Variants in USP9X observed in about 807,000 individuals in gnomAD.
USP9X encodes ubiquitin carboxyl-terminal hydrolase 9X.
In USP9X, 7 loss-of-function variants were observed where a neutral mutation model predicts 190.3. The ratio of observed to expected loss-of-function variants is 0.04; its 90% CI spans 0.02 to 0.07. USP9X has a LOEUF of 0.07. USP9X is among the 10% of genes least tolerant of loss of function. USP9X has a pLI of 1.00. For missense variants in USP9X, 1,010 were observed against 1,916.9 expected (o/e 0.53, Z 8.83); for synonymous variants, 645 against 659.5 (o/e 0.98, Z 0.34).
chrX:41,139,284 T>C (rs999856225), intron 6 of USP9X, among the ~76,000 whole-genome samples: 2 of 109,872 alleles, frequency 1.8e-5, no homozygotes, highest in Non-Finnish European at 3.8e-5. Context: ...ACTAAAAAGG[T>C]AGGAAAACAC....
chrX:41,172,534 T>A (rs1462801446), intron 21 of USP9X, among the ~76,000 whole-genome samples: 1 of 112,216 alleles, frequency 8.9e-6, no homozygotes, highest in Non-Finnish European at 1.9e-5. Flanking sequence ...AGATATATAC[T>A]GATTTTCTGC....
chrX:41,171,550 G>A (rs2062725729), intron 20 of USP9X: 1 of 281,716 alleles, frequency 3.5e-6, no homozygotes, highest in Non-Finnish European at 6.5e-6. Context: ...AGTGGGCATG[G>A]CAGCCTTTTG....
At chrX:41,214,764 A>AAT (rs1228779245) in intron 34 of USP9X, 55 bp downstream of exon 34, 17 of 1,136,040 alleles carry the variant, frequency 1.5e-5, no homozygotes, top group Non-Finnish European at 1.7e-5. Flanking sequence ...ATTTAGAAGA[A>AAT]ATTGGTTTTT....
intron 1 of USP9X, among the ~76,000 whole-genome samples, chrX:41,089,770 G>T (rs2061939891): frequency 9.1e-6 from 1 of 110,473 alleles, no homozygotes; most frequent in East Asian, 2.8e-4. Context: ...TTGTTTTATG[G>T]AACGAATGAA....
intron 38 of USP9X, among the ~76,000 whole-genome samples, chrX:41,222,171 CTGAA>C (rs1451496427): frequency 8.9e-6 from 1 of 111,988 alleles, no homozygotes; most frequent in East Asian, 2.8e-4. Context: ...TTTGAATCAT[CTGAA>C]TGAAGATATC....
intron 21 of USP9X, among the ~76,000 whole-genome samples, chrX:41,177,019 A>G (rs1335356003): frequency 8.9e-6 from 1 of 112,469 alleles, no homozygotes; most frequent in Non-Finnish European, 1.9e-5. Flanking sequence ...TTCAGTAATT[A>G]ACAGTTTGCC....
rs911417323 is a variant in USP9X at position 41,196,451 on chromosome X, G to A, written c.4086+92G>A. On this transcript the variant is annotated intron_variant, in intron 27 of 44. Transcript: ENST00000378308. ...GTGGTTTTAGCTTGCATTAAAGTTA[G>A]GACAGTCTATATTTAATAAATGAAG... The A allele has an allele frequency of 2.4e-5, 26 of 1,083,805 alleles. No individual in the cohort carries two copies. The African/African-American group carries it at 4.5e-4, about 19-fold the overall frequency. The allele number at this position is 1,083,805 out of a possible 1,213,427, so 89.3% of individuals were successfully genotyped here.
intron 21 of USP9X, among the ~76,000 whole-genome samples, chrX:41,174,852 G>A (rs1168427294): frequency 9.0e-6 from 1 of 111,225 alleles, no homozygotes; most frequent in African/African-American, 3.3e-5. Context: ...AAAATTAGCC[G>A]GGCGTGTTAG....
chrX:41,216,194 G>A lies in USP9X; in HGVS notation c.5627G>A (p.Ser1876Asn). ...VGVLVHSGQA[S>N]GGHYYSYIIQ... Reference sequence around the variant, plus strand: ...GTGCTCGTACACAGTGGTCAAGCGAGTGGGGGGCATTATTATTCTTACATC... The same window carrying A: ...GTGCTCGTACACAGTGGTCAAGCGAATGGGGGGCATTATTATTCTTACATC... Residue 1876 changes from serine to asparagine, a missense_variant, in exon 35 of 45, where the codon AGT becomes AAT. Physicochemically the swap from Ser to Asn is conservative, Grantham distance 46. Transcript: ENST00000378308. 8.3e-7 allele frequency: 1 copy of A among 1,211,804 alleles called. No individual in the cohort carries two copies. Among genetic ancestry groups the A allele is most frequent in the Non-Finnish European group, 1.1e-6 (1 of 895,562 alleles).
At chrX:41,162,918 G>A (rs1252486385) in intron 15 of USP9X, 41 bp downstream of exon 15, 1 of 1,090,364 alleles carries the variant, frequency 9.2e-7, no homozygotes, top group Admixed American at 2.4e-5. Flanking sequence ...TTAAGAAAAA[G>A]ATAAGGAATA....
intron 24 of USP9X, among the ~76,000 whole-genome samples, chrX:41,187,249 C>T (rs779323151): frequency 8.9e-6 from 1 of 112,393 alleles, no homozygotes; most frequent in South Asian, 3.7e-4. Context: ...AACTACTGCT[C>T]TTTTTGTCCC....
intron 1 of USP9X, among the ~76,000 whole-genome samples, chrX:41,117,808 C>T (rs981925662): frequency 9.1e-6 from 1 of 109,360 alleles, no homozygotes; most frequent in African/African-American, 3.3e-5. Context: ...ATCCGCACAC[C>T]TTGGCCTCCA....
At chrX:41,147,340 T>C (rs2062475769) in intron 11 of USP9X, among the ~76,000 whole-genome samples, 1 of 111,188 alleles carries the variant, frequency 9.0e-6, no homozygotes, top group African/African-American at 3.3e-5. Flanking sequence ...ATTCCTTTTG[T>C]TATTTTGTGT....
At position 41,115,194 on chromosome X, in the gene USP9X, C is replaced by T. The variant is rs936265831; in HGVS notation, c.-158-8277C>T. The stretch of plus-strand genomic sequence containing the variant: ...CGAGATTGTGCCACTGCACTCTAGC[C>T]TGGGCAACAGAGCAAGACTCCGTCT... On this transcript the variant is annotated intron_variant, in intron 1 of 44. Coordinates refer to ENST00000378308, the MANE Select transcript of USP9X (RefSeq NM_001039591.3). Among the ~76,000 whole-genome samples the T allele has an allele frequency of 2.8e-4, 28 of 98,926 alleles. 1 individual carries two copies. Among genetic ancestry groups the T allele is most frequent in the Admixed American group, 2.3e-4 (2 of 8,773 alleles). 85.9% of individuals were successfully genotyped at this position (98,926 alleles called of 115,157 possible). A position where few individuals can be genotyped will look rare whatever the true frequency, so the allele number is the denominator to read the frequency against.
intron 32 of USP9X, among the ~76,000 whole-genome samples, chrX:41,207,300 G>C (rs1212307086): frequency 9.2e-6 from 1 of 108,973 alleles, no homozygotes; most frequent in African/African-American, 3.3e-5. Flanking sequence ...GGCCAGGCTG[G>C]TCTCAAATTC....
chrX:41,153,101 A>G lies in USP9X; in HGVS notation c.1897+20A>G. 1 of 1,180,464 alleles carries G rather than the reference A, an allele frequency of 8.5e-7. No individual in the cohort carries two copies. The highest frequency in any genetic ancestry group is 1.1e-6 in the Non-Finnish European group (1 of 879,905). ...CTAGAGGTATGTATTGTAAGCTAAA[A>G]TAAACTATGGGAAATAGCAGGGACC... On this transcript the variant is annotated intron_variant, in intron 14 of 44. Transcript: ENST00000378308.
At chrX:41,086,232 C>T (rs979082579) in intron 1 of USP9X, 123 bp downstream of exon 1, 8 of 278,137 alleles carry the variant, frequency 2.9e-5, no homozygotes, top group Non-Finnish European at 5.0e-5. Flanking sequence ...GGCTGCCGGC[C>T]AGGCTGGGGC....
intron 21 of USP9X, among the ~76,000 whole-genome samples, chrX:41,177,938 GGTACTTTATT>G (rs1313681762): frequency 1.8e-5 from 2 of 108,918 alleles, no homozygotes; most frequent in Non-Finnish European, 3.8e-5. Context: ...ATTTTTTTAA[GGTACTTTATT>G]GTACTTTATT....
At chrX:41,168,891 C>T (rs2062700674) in intron 18 of USP9X, among the ~76,000 whole-genome samples, 1 of 101,547 alleles carries the variant, frequency 9.8e-6, no homozygotes, top group African/African-American at 3.6e-5. Context: ...TCAATGCCAT[C>T]ATTTTTTTTA....
Sources: allele counts gnomAD v4.1 joint callset (sites outside exome capture counted in the v4.1 genomes callset), GRCh38; gene constraint gnomAD v4.1.1; transcripts MANE v1.5; gene names NCBI Gene and HGNC (gene_info 2026-07-23, HGNC 2026-07-21).